The following FRMD8 variants were observed in gnomAD, a reference collection of about 807,000 sequenced individuals.
FRMD8 encodes the protein FERM domain-containing protein 8.
FRMD8 carries 37 observed loss-of-function variants against 54.2 expected under a neutral mutation model. That is an observed-to-expected ratio of 0.68 (90% CI 0.53 to 0.90). The LOEUF (loss-of-function observed/expected upper bound fraction) is 0.90. FRMD8 is among the 40% of genes least tolerant of loss of function. FRMD8 has a pLI of 0.00. For synonymous variants in FRMD8, 246 were observed against 286.9 expected (o/e 0.86, Z 1.44); for missense variants, 585 against 653.7 (o/e 0.89, Z 1.15).
At chr11:65,393,885 C>A in intron 4 of FRMD8, 156 bp from the exon 5 acceptor site, 2 of 825,106 alleles carry the variant, frequency 2.4e-6, no homozygotes, top group South Asian at 1.6e-5. Context: ...GCCACCGGGG[C>A]ACGTTGGGAT....
At chr11:65,372,022 C>T in the FRMD8 span, among the ~76,000 whole-genome samples, 1 of 152,218 alleles carries the variant, frequency 6.6e-6, no homozygotes, top group Admixed American at 6.5e-5. Context: ...AGAGATTCTC[C>T]TGCCTCAGCC....
At chr11:65,409,159 C>T (rs931318860) in intron 10 of FRMD8, among the ~76,000 whole-genome samples, 3 of 152,004 alleles carry the variant, frequency 2.0e-5, no homozygotes, top group Non-Finnish European at 4.4e-5. Context: ...GATCTCAGCT[C>T]ACTGCAACCT....
the FRMD8 span, chr11:65,379,698 G>T: frequency 8.0e-7 from 1 of 1,245,900 alleles, no homozygotes; most frequent in Non-Finnish European, 1.1e-6. Flanking sequence ...GCAGGGATGG[G>T]CTGAGGCTGC....
the FRMD8 span, chr11:65,379,987 C>T: frequency 6.2e-7 from 1 of 1,607,080 alleles, no homozygotes; most frequent in East Asian, 2.2e-5. Context: ...GCAGGTGGGC[C>T]AACCTTTCCC....
upstream of FRMD8, chr11:65,381,946 C>T (rs768688189): frequency 8.1e-6 from 13 of 1,613,974 alleles, no homozygotes; most frequent in East Asian, 6.7e-5. Flanking sequence ...ATTCCTCCAC[C>T]GGCATTGTCT....
At chr11:65,379,058 G>A in the FRMD8 span, 1 of 361,444 alleles carries the variant, frequency 2.8e-6, no homozygotes, top group Non-Finnish European at 5.1e-6. Flanking sequence ...TCCTTGGGGA[G>A]TGGGCTCCCC....
intron 7 of FRMD8, 37 bp downstream of exon 7, chr11:65,397,057 G>A (rs570677770): frequency 2.9e-5 from 35 of 1,207,662 alleles, no homozygotes; most frequent in Admixed American, 6.5e-5. Flanking sequence ...CACCCCCTCC[G>A]CAGGCTGTTC....
In FRMD8 at chr11:65,393,985, A is replaced by G; in HGVS notation, c.356-56A>G. The stretch of plus-strand genomic sequence containing the variant: ...GGCCAGGGCCTGGGCCAATCGGGAG[A>G]GGGGAGGGCTAAGCAGAGTGGGGAT... On this transcript the variant is annotated intron_variant, in intron 4 of 10. Coordinates refer to ENST00000317568, the MANE Select transcript of FRMD8 (RefSeq NM_031904.5). The G allele has an allele frequency of 2.5e-6, 4 of 1,582,082 alleles. No homozygotes were observed. The East Asian group carries it at 9.0e-5, about 35-fold the overall frequency.
intron 6 of FRMD8, among the ~76,000 whole-genome samples, chr11:65,395,534 C>T (rs1021407638): frequency 1.2e-4 from 19 of 152,192 alleles, no homozygotes; most frequent in East Asian, 5.8e-4. Context: ...AGCGAAACTC[C>T]GTCTCAAAAA....
chr11:65,399,672 C>T lies in FRMD8; in HGVS notation c.804-64C>T. On this transcript the variant is annotated intron_variant, in intron 7 of 10. Transcript: ENST00000317568. The stretch of plus-strand genomic sequence containing the variant: ...AAGTTCCTCAGAGCCCAGGTTGGGG[C>T]CTCGAGCAGCCTCCCTCAGCATTTC... The T allele has an allele frequency of 3.2e-6, 5 of 1,581,448 alleles. No individual in the cohort carries two copies. The South Asian group carries it at 5.7e-5, about 18-fold the overall frequency.
intron 2 of FRMD8, 59 bp from the exon 3 acceptor site, chr11:65,389,302 G>C: frequency 1.3e-6 from 2 of 1,570,558 alleles, no homozygotes; most frequent in Non-Finnish European, 1.7e-6. Flanking sequence ...TGCCTGGTTG[G>C]CCTGGCCTGG....
intron 10 of FRMD8, 116 bp downstream of exon 10, chr11:65,405,184 C>T: frequency 9.8e-7 from 1 of 1,023,952 alleles, no homozygotes. Context: ...GTGAGCTGGC[C>T]TCCATCTCAG....
chr11:65,369,266 T>C, the FRMD8 span, among the ~76,000 whole-genome samples: 1 of 151,994 alleles, frequency 6.6e-6, no homozygotes, highest in Non-Finnish European at 1.5e-5. Flanking sequence ...AGCTGAAGGC[T>C]GGGTGGGAGG....
At chr11:65,403,228 G>A (rs555588721) in intron 9 of FRMD8, among the ~76,000 whole-genome samples, 79 of 152,114 alleles carry the variant, frequency 5.2e-4, no homozygotes, top group Non-Finnish European at 7.8e-4. Context: ...TGTCGCCCAG[G>A]CTGGAGTGCA....
chr11:65,402,964 A>G (rs994662380), intron 9 of FRMD8, among the ~76,000 whole-genome samples: 4 of 152,086 alleles, frequency 2.6e-5, no homozygotes, highest in Non-Finnish European at 4.4e-5. Flanking sequence ...CAGTGGCGCA[A>G]TCATAGCTCA....
intron 10 of FRMD8, among the ~76,000 whole-genome samples, chr11:65,406,431 T>C (rs1856198873): frequency 6.6e-6 from 1 of 151,914 alleles, no homozygotes; most frequent in Non-Finnish European, 1.5e-5. Flanking sequence ...CCTGACCTTG[T>C]GGTCCATCCG....
the FRMD8 span, chr11:65,377,384 G>A: frequency 2.4e-5 from 29 of 1,233,672 alleles, no homozygotes; most frequent in East Asian, 7.8e-4. Flanking sequence ...TGCAGGAGCA[G>A]GTTGGTTTCT....
intron 2 of FRMD8, among the ~76,000 whole-genome samples, chr11:65,388,175 A>C (rs116777289): frequency 0.031 from 4,686 of 152,118 alleles, 281 homozygotes; most frequent in African/African-American, 0.11. Context: ...AAAAAAAAAA[A>C]AAAACAGGGA....
intron 4 of FRMD8, 161 bp downstream of exon 4, chr11:65,393,835 G>T: frequency 1.3e-6 from 1 of 794,384 alleles, no homozygotes; most frequent in Non-Finnish European, 2.0e-6. Context: ...AGGGGAGGAA[G>T]GGGTCCCTGA....
Sources: gnomAD v4.1 joint callset for allele counts (sites outside exome capture counted in the v4.1 genomes callset) on GRCh38, gnomAD v4.1.1 for gene constraint, MANE v1.5 for transcripts, NCBI Gene and HGNC (gene_info 2026-07-23, HGNC 2026-07-21) for gene names.